The following OPRM1 variants were observed in gnomAD, a reference collection of about 807,000 sequenced individuals.
OPRM1 encodes the protein opioid receptor mu 1, also known as mu-type opioid receptor.
In OPRM1, 27 loss-of-function variants were observed where a neutral mutation model predicts 31.8. The observed-to-expected ratio is 0.85, with a 90% CI of 0.63 to 1.17. The LOEUF (loss-of-function observed/expected upper bound fraction) is 1.17, where lower values mean the gene tolerates loss of function less well. OPRM1 is among the 50% of genes most tolerant of loss of function. The pLI, the probability that OPRM1 is intolerant of heterozygous loss-of-function variation, is 0.00. For missense variants in OPRM1, 536 were observed against 511.1 expected (o/e 1.05, Z -0.47); for synonymous variants, 196 against 189.9 (o/e 1.03, Z -0.26).
At chr6:154,136,477 T>A (rs1053588182), downstream of OPRM1, among the ~76,000 whole-genome samples, 1 of 152,184 alleles carries the variant, frequency 6.6e-6, no homozygotes, top group East Asian at 1.9e-4. Context: ...TAGAAAGAGA[T>A]GTCAGATATA....
chr6:154,043,173 C>T (rs1780421291), intron 1 of OPRM1, among the ~76,000 whole-genome samples: 1 of 152,104 alleles, frequency 6.6e-6, no homozygotes, highest in Admixed American at 6.5e-5. Context: ...CTGCGTAAAC[C>T]ATCCTTCCAG....
chr6:154,082,076 G>A (rs959190977), intron 1 of OPRM1, among the ~76,000 whole-genome samples: 1 of 152,120 alleles, frequency 6.6e-6, no homozygotes, highest in African/African-American at 2.4e-5. Flanking sequence ...TATGATTGAA[G>A]TTCTTTTTAA....
At chr6:154,049,570 A>G (rs1486795371) in intron 1 of OPRM1, among the ~76,000 whole-genome samples, 5 of 152,222 alleles carry the variant, frequency 3.3e-5, no homozygotes, top group South Asian at 4.1e-4. Flanking sequence ...AATAATGAGA[A>G]TCAAATATAT....
At chr6:154,144,125 G>A (rs1798296813) in intron 3 of OPRM1, among the ~76,000 whole-genome samples, 1 of 152,108 alleles carries the variant, frequency 6.6e-6, no homozygotes, top group Admixed American at 6.6e-5. Flanking sequence ...CACCCAATAT[G>A]AAACAGATAA....
chr6:154,183,826 G>C (rs1801104842), intron 3 of OPRM1, among the ~76,000 whole-genome samples: 1 of 151,970 alleles, frequency 6.6e-6, no homozygotes, highest in African/African-American at 2.4e-5. Context: ...GGAGGCAGAG[G>C]TTACAGTGAA....
At chr6:154,229,344 CG>C (rs1260954809) in intron 3 of OPRM1, among the ~76,000 whole-genome samples, 4 of 139,024 alleles carry the variant, frequency 2.9e-5, no homozygotes, top group Non-Finnish European at 6.0e-5. Flanking sequence ...AAAAGTTTGC[CG>C]GTTTTTTTTT....
chr6:154,023,408 T>C (rs1378508386), intron 1 of OPRM1, among the ~76,000 whole-genome samples: 1 of 152,232 alleles, frequency 6.6e-6, no homozygotes, highest in African/African-American at 2.4e-5. Context: ...TTTTGTATCA[T>C]GAAACTTTAC....
intron 3 of OPRM1, among the ~76,000 whole-genome samples, chr6:154,165,945 A>T (rs935112306): frequency 3.9e-5 from 6 of 152,192 alleles, no homozygotes; most frequent in African/African-American, 1.4e-4. Context: ...CAGCAACCTG[A>T]AAGGACCTGA....
intron 1 of OPRM1, among the ~76,000 whole-genome samples, chr6:154,076,872 C>T (rs1787983447): frequency 6.6e-6 from 1 of 152,054 alleles, no homozygotes; most frequent in Non-Finnish European, 1.5e-5. Context: ...ATTTATTCAT[C>T]CAACAAATAT....
intron 1 of OPRM1, among the ~76,000 whole-genome samples, chr6:154,043,383 A>G (rs1187333941): frequency 6.6e-6 from 1 of 152,096 alleles, no homozygotes; most frequent in African/African-American, 2.4e-5. Context: ...TGTTCTATAT[A>G]CTAAATATTT....
intron 3 of OPRM1, among the ~76,000 whole-genome samples, chr6:154,095,096 A>G (rs1053155780): frequency 6.6e-6 from 1 of 152,232 alleles, no homozygotes; most frequent in African/African-American, 2.4e-5. Context: ...GTTCGAGACC[A>G]GCCTGGTCAA....
At chr6:154,059,884 C>T (rs569419673) in intron 1 of OPRM1, among the ~76,000 whole-genome samples, 1 of 152,018 alleles carries the variant, frequency 6.6e-6, no homozygotes, top group African/African-American at 2.4e-5. Flanking sequence ...CTTGAAATTC[C>T]CAAGATTAAA....
At chr6:154,095,159 C>T (rs777717045) in intron 3 of OPRM1, among the ~76,000 whole-genome samples, 2 of 152,176 alleles carry the variant, frequency 1.3e-5, no homozygotes, top group Non-Finnish European at 2.9e-5. Context: ...GGTGTGGTGG[C>T]ACATACCTGT....
At chr6:154,137,463 A>AT (rs1274775012) in intron 3 of OPRM1, among the ~76,000 whole-genome samples, 1 of 152,146 alleles carries the variant, frequency 6.6e-6, no homozygotes, top group Non-Finnish European at 1.5e-5. Flanking sequence ...AGTTAGAAAT[A>AT]TTTTTCTATA....
intron 3 of OPRM1, among the ~76,000 whole-genome samples, chr6:154,240,270 C>T (rs1780475739): frequency 6.6e-6 from 1 of 152,158 alleles, no homozygotes; most frequent in Admixed American, 6.5e-5. Flanking sequence ...TTCTAGGATA[C>T]AGAAACACAG....
intron 3 of OPRM1, among the ~76,000 whole-genome samples, chr6:154,189,548 A>C (rs1026295614): frequency 2.6e-5 from 4 of 152,264 alleles, no homozygotes; most frequent in African/African-American, 4.8e-5. Flanking sequence ...TGTAGTATAT[A>C]GTTCAAGATA....
intron 1 of OPRM1, among the ~76,000 whole-genome samples, chr6:154,079,225 G>C (rs1245356762): frequency 6.6e-6 from 1 of 152,228 alleles, no homozygotes; most frequent in African/African-American, 2.4e-5. Flanking sequence ...GGGTGCCCCA[G>C]GGTCCCCTGG....
chr6:154,213,000 C>T (rs1778091825), intron 3 of OPRM1: 3 of 646,908 alleles, frequency 4.6e-6, no homozygotes, highest in Non-Finnish European at 5.5e-6. Flanking sequence ...TGGTAACTAC[C>T]TGGTGCAAAG....
chr6:154,103,220 G>A (rs542421561), intron 3 of OPRM1, among the ~76,000 whole-genome samples: 1 of 152,208 alleles, frequency 6.6e-6, no homozygotes, highest in South Asian at 2.1e-4. Flanking sequence ...TGGAAAATGA[G>A]GGTAAAGAAA....
Sources: gnomAD v4.1 joint callset for allele counts (sites outside exome capture counted in the v4.1 genomes callset) on GRCh38, gnomAD v4.1.1 for gene constraint, MANE v1.5 for transcripts, NCBI Gene and HGNC (gene_info 2026-07-23, HGNC 2026-07-21) for gene names.